The following OPRM1 variants were observed in gnomAD, a reference collection of about 807,000 sequenced individuals.
The protein encoded by OPRM1 is opioid receptor mu 1.
In OPRM1, 27 loss-of-function variants were observed where a neutral mutation model predicts 31.8. The ratio of observed to expected loss-of-function variants is 0.85; its 90% CI spans 0.63 to 1.17. The LOEUF is 1.17. Ranked by LOEUF, OPRM1 falls within the 50% of genes most tolerant of loss-of-function variation. The pLI is 0.00. For synonymous variants in OPRM1, 196 were observed against 189.9 expected (o/e 1.03, Z -0.26); for missense variants, 536 against 511.1 (o/e 1.05, Z -0.47).
At chr6:154,165,031 GTTAAAA>G (rs745443817) in intron 3 of OPRM1, among the ~76,000 whole-genome samples, 4 of 152,068 alleles carry the variant, frequency 2.6e-5, no homozygotes, top group Non-Finnish European at 5.9e-5. Context: ...AAACATTATT[GTTAAAA>G]CAGTTTCCTT....
intron 3 of OPRM1, among the ~76,000 whole-genome samples, chr6:154,181,495 C>T (rs1019619570): frequency 1.3e-5 from 2 of 152,194 alleles, no homozygotes; most frequent in Admixed American, 6.5e-5. Flanking sequence ...CATAGCTATA[C>T]TATGCTATGA....
At chr6:154,073,190 T>C (rs1304446864) in intron 1 of OPRM1, among the ~76,000 whole-genome samples, 1 of 152,154 alleles carries the variant, frequency 6.6e-6, no homozygotes, top group African/African-American at 2.4e-5. Context: ...ACAGCCAATA[T>C]AAGCTGCAGG....
intron 3 of OPRM1, among the ~76,000 whole-genome samples, chr6:154,228,155 C>T (rs1360848677): frequency 3.3e-5 from 5 of 151,962 alleles, no homozygotes; most frequent in African/African-American, 9.7e-5. Context: ...TTCTTCAATT[C>T]CTAACTTTCT....
intron 1 of OPRM1, among the ~76,000 whole-genome samples, chr6:154,088,057 A>G (rs1224887981): frequency 6.6e-6 from 1 of 151,810 alleles, no homozygotes; most frequent in Non-Finnish European, 1.5e-5. Context: ...AGTTGTATGC[A>G]ACTCAGTTCC....
chr6:154,014,918 G>T (rs1026271135), intron 1 of OPRM1, among the ~76,000 whole-genome samples: 2 of 152,086 alleles, frequency 1.3e-5, no homozygotes, highest in Admixed American at 6.5e-5. Context: ...TGGGAAAGAA[G>T]ACCATATCTG....
intron 3 of OPRM1, among the ~76,000 whole-genome samples, chr6:154,207,161 G>A (rs953783423): frequency 6.6e-6 from 1 of 152,236 alleles, no homozygotes; most frequent in Non-Finnish European, 1.5e-5. Context: ...GGGAGCAGAA[G>A]GCAGGAGAGA....
chr6:154,132,938 G>A (rs1446171618), downstream of OPRM1, among the ~76,000 whole-genome samples: 3 of 152,140 alleles, frequency 2.0e-5, no homozygotes, highest in East Asian at 3.9e-4. Context: ...TGGCTAACAC[G>A]GTGAAACCCC....
At chr6:154,019,825 C>A (rs1434120385) in intron 1 of OPRM1, among the ~76,000 whole-genome samples, 1 of 147,476 alleles carries the variant, frequency 6.8e-6, no homozygotes, top group South Asian at 2.1e-4. Flanking sequence ...CCTCTCCTTT[C>A]CGGGCTCAAG....
chr6:154,104,691 G>T (rs916968396), intron 3 of OPRM1, among the ~76,000 whole-genome samples: 1 of 152,180 alleles, frequency 6.6e-6, no homozygotes, highest in Non-Finnish European at 1.5e-5. Context: ...ATCATGGTAA[G>T]GCTGATTTGC....
chr6:154,223,324 G>T, intron 3 of OPRM1: 1 of 1,073,334 alleles, frequency 9.3e-7, no homozygotes, highest in Non-Finnish European at 1.4e-6. Flanking sequence ...ACATGGAATA[G>T]GGATGGTATA....
At chr6:154,081,144 T>A (rs1030596347) in intron 1 of OPRM1, among the ~76,000 whole-genome samples, 3 of 152,118 alleles carry the variant, frequency 2.0e-5, no homozygotes, top group African/African-American at 7.2e-5. Flanking sequence ...GTCACCAAAC[T>A]GGGAACAGAG....
intron 3 of OPRM1, among the ~76,000 whole-genome samples, chr6:154,204,258 T>G (rs1777305647): frequency 6.6e-6 from 1 of 152,144 alleles, no homozygotes; most frequent in African/African-American, 2.4e-5. Context: ...CAAACACAAG[T>G]TTGACATGGT....
chr6:154,039,079 A>C (rs963032744), upstream of OPRM1: 15 of 1,431,364 alleles, frequency 1.0e-5, no homozygotes, highest in Admixed American at 5.0e-5. Flanking sequence ...GAGTGATGTT[A>C]GCCCCCTTTC....
intron 3 of OPRM1, chr6:154,155,425 C>G (rs1181494609): frequency 1.3e-5 from 2 of 152,182 alleles, no homozygotes; most frequent in African/African-American, 2.4e-5. Flanking sequence ...AGAAGAAATG[C>G]CCCCTAAAAC....
intron 1 of OPRM1, among the ~76,000 whole-genome samples, chr6:154,022,270 A>C (rs1051141595): frequency 6.6e-6 from 1 of 152,108 alleles, no homozygotes; most frequent in Non-Finnish European, 1.5e-5. Context: ...GCTGTGGTGT[A>C]GTTAGTCTGC....
intron 3 of OPRM1, among the ~76,000 whole-genome samples, chr6:154,198,422 T>A (rs1472644669): frequency 1.3e-5 from 2 of 152,116 alleles, no homozygotes; most frequent in Non-Finnish European, 2.9e-5. Context: ...AATAGGTTGG[T>A]TTGCCAGACT....
chr6:154,032,589 C>T (rs997958043), intron 1 of OPRM1, among the ~76,000 whole-genome samples: 9 of 152,108 alleles, frequency 5.9e-5, no homozygotes, highest in African/African-American at 2.2e-4. Context: ...GCGTGCACCA[C>T]AACACTTGGA....
At chr6:154,017,741 T>A (rs894923154) in intron 1 of OPRM1, among the ~76,000 whole-genome samples, 1 of 152,200 alleles carries the variant, frequency 6.6e-6, no homozygotes, top group African/African-American at 2.4e-5. Context: ...CAGGTGACCA[T>A]GGTTAACTTT....
intron 3 of OPRM1, among the ~76,000 whole-genome samples, chr6:154,171,110 C>T (rs990707399): frequency 6.6e-6 from 1 of 152,120 alleles, no homozygotes. Flanking sequence ...AATTACACTC[C>T]TACATAAATA....
Sources: gnomAD v4.1 joint callset for allele counts (sites outside exome capture counted in the v4.1 genomes callset) on GRCh38, gnomAD v4.1.1 for gene constraint, MANE v1.5 for transcripts, NCBI Gene and HGNC (gene_info 2026-07-23, HGNC 2026-07-21) for gene names.